The following HECW2 variants were observed in gnomAD, a reference collection of about 807,000 sequenced individuals.
HECW2 encodes the protein E3 ubiquitin-protein ligase HECW2.
HECW2 carries 61 observed loss-of-function variants against 175.2 expected under a neutral mutation model. The observed-to-expected ratio is 0.35, with a 90% CI of 0.28 to 0.43. The LOEUF (loss-of-function observed/expected upper bound fraction) is 0.43, where lower values mean the gene tolerates loss of function less well. HECW2 is among the 20% of genes least tolerant of loss of function. The pLI is 1.00. For missense variants in HECW2, 1,524 were observed against 2,000.5 expected (o/e 0.76, Z 4.54); for synonymous variants, 671 against 731.0 (o/e 0.92, Z 1.32).
chr2:196,314,258 C>G (rs961210376), intron 10 of HECW2, among the ~76,000 whole-genome samples: 19 of 152,234 alleles, frequency 1.2e-4, no homozygotes, highest in African/African-American at 4.3e-4. Context: ...GAAGAGAAAG[C>G]TGAGCACCTT....
intron 1 of HECW2, among the ~76,000 whole-genome samples, chr2:196,531,597 G>C (rs1688841972): frequency 6.6e-6 from 1 of 151,704 alleles, no homozygotes; most frequent in South Asian, 2.1e-4. Context: ...GGTAAGCGGA[G>C]GTTGCAGTGT....
At chr2:196,230,773 C>T (rs1189910926) in intron 21 of HECW2, among the ~76,000 whole-genome samples, 2 of 152,188 alleles carry the variant, frequency 1.3e-5, no homozygotes, top group Non-Finnish European at 2.9e-5. Context: ...TAACCCAGGA[C>T]TCCCCCATCC....
rs559736190 is a variant in HECW2 at position 196,480,692 on chromosome 2, C to T, written c.-35-47234G>A. Among the ~76,000 whole-genome samples, 33 of 152,312 alleles carry T rather than the reference C, an allele frequency of 2.2e-4. No homozygotes were observed. The South Asian group carries it at 6.4e-3, about 30-fold the overall frequency. Reference sequence around the variant, plus strand: ...AGACCTTGTCTTGGCAACAATGCCACGCAAAACCTAGTCTTATACTTGAAA... The same window carrying T: ...AGACCTTGTCTTGGCAACAATGCCATGCAAAACCTAGTCTTATACTTGAAA... On this transcript the variant is annotated intron_variant, in intron 1 of 28. Transcript: ENST00000644978.
At position 196,317,375 on chromosome 2, in the gene HECW2, A is replaced by G; in HGVS notation, c.2339-6T>C. ...GTGGCCGTTGGCTTGAGAACCTAGG[A>G]TTAAAGGTAGAAAGTTACCAGGTAT... On this transcript the variant is annotated splice_polypyrimidine_tract_variant and splice_region_variant and intron_variant, in intron 9 of 28. Transcript: ENST00000644978. The G allele has an allele frequency of 6.2e-7, 1 of 1,603,726 alleles. No homozygotes were observed. Among genetic ancestry groups the G allele is most frequent in the East Asian group, 2.2e-5 (1 of 44,798 alleles).
At chr2:196,564,751 C>T (rs910400884) in intron 1 of HECW2, among the ~76,000 whole-genome samples, 1 of 152,034 alleles carries the variant, frequency 6.6e-6, no homozygotes, top group African/African-American at 2.4e-5. Context: ...TGTTCCTCAA[C>T]CTCATGCCTC....
chr2:196,278,257 T>C (rs558848579), intron 15 of HECW2, among the ~76,000 whole-genome samples: 1 of 145,822 alleles, frequency 6.9e-6, no homozygotes, highest in East Asian at 2.0e-4. Flanking sequence ...TTTTAGTACA[T>C]TATCAACACC....
At chr2:196,378,568 T>C (rs1333691444) in intron 2 of HECW2, among the ~76,000 whole-genome samples, 1 of 152,198 alleles carries the variant, frequency 6.6e-6, no homozygotes, top group African/African-American at 2.4e-5. Context: ...TAAAACTCAT[T>C]AGTCACAATT....
intron 1 of HECW2, among the ~76,000 whole-genome samples, chr2:196,532,876 CTT>C (rs1235934510): frequency 6.6e-6 from 1 of 152,148 alleles, no homozygotes; most frequent in Non-Finnish European, 1.5e-5. Flanking sequence ...TTTGGCATAA[CTT>C]AGCGTGGCTC....
At chr2:196,317,089 A>G in intron 10 of HECW2, 185 bp downstream of exon 10, 2 of 535,806 alleles carry the variant, frequency 3.7e-6, no homozygotes, top group Non-Finnish European at 6.8e-6. Context: ...TTTCAGCATA[A>G]TGGTGCCAGA....
chr2:196,274,189 A>G, intron 15 of HECW2, 66 bp from the exon 16 acceptor site: 1 of 1,171,466 alleles, frequency 8.5e-7, no homozygotes, highest in Non-Finnish European at 1.3e-6. Flanking sequence ...AGCATCCCAA[A>G]CCAAGTTGTT....
chr2:196,198,888 G>A lies in HECW2; in HGVS notation c.*2389C>T, dbSNP rs1686770649. The A allele has an allele frequency of 1.3e-5, 2 of 152,070 alleles. No homozygotes were observed. The highest frequency in any genetic ancestry group is 2.9e-5 in the Non-Finnish European group (2 of 68,006). The allele number at this position is 152,070 out of a possible 1,614,324, so 9.4% of individuals were successfully genotyped here. A position where few individuals can be genotyped will look rare whatever the true frequency, so the allele number is the denominator to read the frequency against. ...ACATCTTTGATAATTCCCAATCTGA[G>A]AACAGTATCAACTAGATGATTATAC... On this transcript the variant is annotated 3_prime_UTR_variant, in exon 29 of 29. Transcript: ENST00000644978.
intron 9 of HECW2, 30 bp downstream of exon 9, chr2:196,318,522 C>T: frequency 6.9e-7 from 1 of 1,456,036 alleles, no homozygotes; most frequent in Non-Finnish European, 9.1e-7. Flanking sequence ...TACGCTCGAG[C>T]CAAGAGCCAC....
At chr2:196,251,769 T>C (rs1291205995) in intron 19 of HECW2, among the ~76,000 whole-genome samples, 1 of 152,204 alleles carries the variant, frequency 6.6e-6, no homozygotes, top group Non-Finnish European at 1.5e-5. Flanking sequence ...GCTAATGCAA[T>C]GGCCTCTCTG....
intron 2 of HECW2, among the ~76,000 whole-genome samples, chr2:196,396,855 T>A (rs1439928187): frequency 6.7e-6 from 1 of 149,990 alleles, no homozygotes; most frequent in Non-Finnish European, 1.5e-5. Flanking sequence ...CTCACACCTG[T>A]AATCCCAGCA....
intron 2 of HECW2, among the ~76,000 whole-genome samples, chr2:196,376,109 A>C (rs1694044229): frequency 6.6e-6 from 1 of 152,244 alleles, no homozygotes; most frequent in African/African-American, 2.4e-5. Flanking sequence ...TTAAAAGAAT[A>C]ATAACACATT....
At chr2:196,396,029 T>A (rs1190605138) in intron 2 of HECW2, among the ~76,000 whole-genome samples, 1 of 152,148 alleles carries the variant, frequency 6.6e-6, no homozygotes, top group Non-Finnish European at 1.5e-5. Flanking sequence ...TGGAACATGA[T>A]CCAATCTTAA....
chr2:196,225,648 G>A (rs1438560002), intron 23 of HECW2, 124 bp downstream of exon 23: 2 of 625,484 alleles, frequency 3.2e-6, no homozygotes, highest in African/African-American at 3.7e-5. Context: ...ACCACTATTA[G>A]GTTTAATAAC....
intron 14 of HECW2, among the ~76,000 whole-genome samples, chr2:196,279,044 T>TA (rs898977664): frequency 7.3e-6 from 1 of 136,956 alleles, no homozygotes. Context: ...CCTTGAAACT[T>TA]AAAAAAAAAA....
intron 23 of HECW2, among the ~76,000 whole-genome samples, 157 bp from the exon 24 acceptor site, chr2:196,222,497 C>A (rs1430766627): frequency 6.6e-6 from 1 of 152,204 alleles, no homozygotes; most frequent in Non-Finnish European, 1.5e-5. Context: ...AGTAATTAAA[C>A]CAAACCAGTG....
Sources: allele counts gnomAD v4.1 joint callset (sites outside exome capture counted in the v4.1 genomes callset), GRCh38; gene constraint gnomAD v4.1.1; transcripts MANE v1.5; gene names NCBI Gene and HGNC (gene_info 2026-07-23, HGNC 2026-07-21).